CHODL: variants seen among roughly 807,000 people sequenced by gnomAD.
CHODL encodes the protein chondrolectin, also known as transmembrane protein MT75.
A neutral mutation model predicts 34.5 loss-of-function variants in CHODL; 29 were observed. That is an observed-to-expected ratio of 0.84 (90% confidence interval 0.63 to 1.15). The LOEUF (loss-of-function observed/expected upper bound fraction) is 1.15. Among genes scored for constraint, CHODL ranks in the 50% most tolerant of loss-of-function variants. CHODL has a pLI of 0.00. For missense variants in CHODL, 332 were observed against 332.5 expected (o/e 1.00, Z 0.01); for synonymous variants, 125 against 116.1 (o/e 1.08, Z -0.49).
rs373119916 is a variant in CHODL, at chr21:18,217,072, T to C, written c.-44-39437T>C. On this transcript the variant is annotated intron_variant, in intron 2 of 6. Transcript: ENST00000400127. The stretch of plus-strand genomic sequence containing the variant: ...TCTGTTTATAGACAAGTAATTTAGT[T>C]CCATATCTTGGCTTTTGTTAACAGT... 1.1e-3 allele frequency among the ~76,000 whole-genome samples: 166 copies of C among 152,324 alleles called. 2 individuals carry two copies. The highest frequency in any genetic ancestry group is 6.8e-3 in the Middle Eastern group (2 of 294).
chr21:17,960,151 A>T (rs2063521592), intron 1 of CHODL, among the ~76,000 whole-genome samples: 1 of 152,162 alleles, frequency 6.6e-6, no homozygotes, highest in Non-Finnish European at 1.5e-5. Context: ...TGAGGGGTTA[A>T]TGCCTAGAAA....
At chr21:17,949,491 G>A (rs556463768) in intron 1 of CHODL, among the ~76,000 whole-genome samples, 10 of 152,242 alleles carry the variant, frequency 6.6e-5, no homozygotes, top group African/African-American at 2.2e-4. Flanking sequence ...GTGTCTATGT[G>A]GGAGGGGGTA....
chr21:18,106,868 T>A (rs752093814), intron 2 of CHODL, among the ~76,000 whole-genome samples: 6 of 152,178 alleles, frequency 3.9e-5, no homozygotes, highest in Non-Finnish European at 7.4e-5. Context: ...GAGTCTTGGT[T>A]TATCTGCCAT....
At chr21:18,087,895 A>G (rs2065026214) in intron 2 of CHODL, among the ~76,000 whole-genome samples, 2 of 152,148 alleles carry the variant, frequency 1.3e-5, no homozygotes, top group South Asian at 4.1e-4. Context: ...GCTGTACAGG[A>G]GGCTTGGCTG....
At chr21:17,993,902 T>A (rs1258835008) in intron 1 of CHODL, among the ~76,000 whole-genome samples, 5 of 152,212 alleles carry the variant, frequency 3.3e-5, no homozygotes, top group Non-Finnish European at 5.9e-5. Flanking sequence ...GCATATAGCT[T>A]TTCATAATAG....
At position 18,178,276 on chromosome 21, in the gene CHODL, T is replaced by A. The variant is rs148729783; in HGVS notation, c.-44-78233T>A. Among the ~76,000 whole-genome samples the A allele has an allele frequency of 9.8e-3, 1,488 of 152,308 alleles. 9 individuals carry two copies. Among genetic ancestry groups the A allele is most frequent in the Middle Eastern group, 0.02 (6 of 294 alleles). On this transcript the variant is annotated intron_variant, in intron 2 of 6. Transcript: ENST00000400127. ...TTAGATTTTATGAGTTTTAGTGACA[T>A]GAGGTGACAGTGGTAACTACAGGTA... is the stretch of plus-strand genomic sequence containing the variant.
rs114047530 is a variant in CHODL, at chr21:17,922,871, A to T, written c.-145+5471A>T. Among the ~76,000 whole-genome samples the T allele has an allele frequency of 8.0e-3, 1,217 of 152,278 alleles. 20 individuals carry two copies. The highest frequency in any genetic ancestry group is 0.027 in the African/African-American group (1,127 of 41,542). ...CAGGAGTCCTGAAGACACGTGCCCAAGGTGGTCAGAGCACAGCTTGCTTTT... is the reference window on the plus strand; with the variant it reads ...CAGGAGTCCTGAAGACACGTGCCCATGGTGGTCAGAGCACAGCTTGCTTTT... On this transcript the variant is annotated intron_variant, in intron 1 of 6. Coordinates refer to the CHODL transcript ENST00000400127.
At chr21:18,163,928 C>T (rs150501876) in intron 2 of CHODL, among the ~76,000 whole-genome samples, 39 of 152,212 alleles carry the variant, frequency 2.6e-4, no homozygotes, top group African/African-American at 7.2e-4. Flanking sequence ...AAAGAACAAC[C>T]CCATTTAAAT....
chr21:18,079,150 G>C (rs187494498), intron 2 of CHODL, among the ~76,000 whole-genome samples: 120 of 152,024 alleles, frequency 7.9e-4, no homozygotes, highest in Admixed American at 3.6e-3. Context: ...GTGGACTCCA[G>C]TGTCTATTAT....
intron 2 of CHODL, among the ~76,000 whole-genome samples, chr21:18,137,292 G>T (rs972808911): frequency 6.6e-6 from 1 of 152,036 alleles, no homozygotes; most frequent in Non-Finnish European, 1.5e-5. Context: ...ATTTCTTTAA[G>T]TGTTAACAAC....
chr21:18,239,102 C>T (rs2074057210), intron 2 of CHODL, among the ~76,000 whole-genome samples: 2 of 152,084 alleles, frequency 1.3e-5, no homozygotes, highest in African/African-American at 4.8e-5. Context: ...AATAGAAATA[C>T]ACTTACTTTT....
chr21:18,079,467 T>G (rs1053776479), intron 2 of CHODL, among the ~76,000 whole-genome samples: 5 of 148,404 alleles, frequency 3.4e-5, no homozygotes, highest in Non-Finnish European at 3.0e-5. Flanking sequence ...TATATATATA[T>G]CACATATATA....
intron 2 of CHODL, among the ~76,000 whole-genome samples, chr21:18,081,251 C>G (rs935281535): frequency 2.6e-5 from 4 of 152,098 alleles, no homozygotes; most frequent in African/African-American, 9.7e-5. Context: ...CCAGATGTTA[C>G]TAGATATAAG....
intron 5 of CHODL, among the ~76,000 whole-genome samples, chr21:18,264,711 T>C (rs1222720848): frequency 6.6e-6 from 1 of 151,442 alleles, no homozygotes; most frequent in Non-Finnish European, 1.5e-5. Context: ...AGACAGAAGA[T>C]AGCAGAACCC....
intron 1 of CHODL, among the ~76,000 whole-genome samples, chr21:17,978,290 C>T (rs1287157770): frequency 2.0e-5 from 3 of 151,756 alleles, no homozygotes; most frequent in Admixed American, 1.3e-4. Flanking sequence ...GGTGTGGTGG[C>T]GCATGCCTGT....
intron 2 of CHODL, among the ~76,000 whole-genome samples, chr21:18,186,483 A>G (rs995051163): frequency 1.3e-5 from 2 of 152,204 alleles, no homozygotes; most frequent in African/African-American, 4.8e-5. Context: ...TCATCTGCTT[A>G]TGTCCCTTTG....
chr21:18,128,339 A>AAAGAAGAAG (rs1436319679), intron 2 of CHODL, among the ~76,000 whole-genome samples: 25 of 123,046 alleles, frequency 2.0e-4, no homozygotes, highest in African/African-American at 5.9e-4. Context: ...AAAAAAAAAA[A>AAAGAAGAAG]AAGAAGAAGA....
At chr21:18,246,093 A>G (rs1276354986) in intron 1 of CHODL, 7 of 700,296 alleles carry the variant, frequency 1.0e-5, no homozygotes, top group Non-Finnish European at 1.8e-5. Context: ...AGCGATTTAT[A>G]TTGCAATTAC....
rs543679483 is a variant in CHODL, at chr21:18,000,138, T to C, written c.-144-27734T>C. On this transcript the variant is annotated intron_variant, in intron 1 of 6. Coordinates refer to the CHODL transcript ENST00000400127. ...GCTGTCTGTTTTTCAAATATTGTTA[T>C]ATTTTGATGGTCTGGCAATTCACTT... 6.6e-5 allele frequency among the ~76,000 whole-genome samples: 10 copies of C among 152,308 alleles called. No individual in the cohort carries two copies. In the South Asian group the frequency reaches 1.9e-3, roughly 28 times the overall value.
Sources: allele counts gnomAD v4.1 joint callset (sites outside exome capture counted in the v4.1 genomes callset), GRCh38; gene constraint gnomAD v4.1.1; transcripts MANE v1.5; gene names NCBI Gene and HGNC (gene_info 2026-07-23, HGNC 2026-07-21).